Variants in GNAS observed in about 807,000 individuals in gnomAD.
The protein encoded by GNAS is GNAS complex locus, also known as protein ALEX.
GNAS carries 8 observed loss-of-function variants against 54.5 expected under a neutral mutation model. The observed-to-expected ratio is 0.15, with a 90% confidence interval of 0.09 to 0.26. The LOEUF (loss-of-function observed/expected upper bound fraction) is 0.26. Ranked by LOEUF, GNAS falls within the 10% of genes least tolerant of loss-of-function variation. The probability of loss-of-function intolerance (pLI) is 1.00; values close to 1 mark genes in which losing one functional copy is unlikely to be tolerated. For missense variants in GNAS, 170 were observed against 529.8 expected, an observed-to-expected ratio of 0.32 and a Z score of 6.67; for synonymous variants, 204 against 191.4, an observed-to-expected ratio of 1.07 and a Z score of -0.54.
At chr20:58,891,906 C>CT (rs2145919146) in intron 1 of GNAS, 41 bp downstream of exon 1, 1 of 995,754 alleles carries the variant, frequency 1.0e-6, no homozygotes, top group Non-Finnish European at 1.2e-6. Context: ...CCCGGGGGCC[C>CT]TCGAAGGGCG....
At chr20:58,860,725 T>C (rs759842648) in intron 1 of GNAS, among the ~76,000 whole-genome samples, 1 of 152,152 alleles carries the variant, frequency 6.6e-6, no homozygotes, top group Non-Finnish European at 1.5e-5. Context: ...GCAGTGGTAC[T>C]ATCTCGGCTC....
rs2087603845 is a variant in GNAS at position 58,873,573 on chromosome 20, T to C, written c.44-22039T>C. Among the ~76,000 whole-genome samples, 1 of 152,176 alleles carries C rather than the reference T, an allele frequency of 6.6e-6. No individual in the cohort carries two copies. Among genetic ancestry groups the C allele is most frequent in the Admixed American group, 6.5e-5 (1 of 15,280 alleles). ...TTTTTGGTTAACTTGAAGGTCGAAATAGCCTTACTCCTTTTTGTCTGTCTA... is the reference window on the plus strand; with the variant it reads ...TTTTTGGTTAACTTGAAGGTCGAAACAGCCTTACTCCTTTTTGTCTGTCTA... On this transcript the variant is annotated intron_variant, in intron 1 of 12. Coordinates refer to the GNAS transcript ENST00000306090. This position sits in a 1 kb window ranked among gnomAD's most constrained non-coding sequence, Gnocchi z 4.3.
chr20:58,903,539 C>T lies in GNAS; in HGVS notation c.266C>T (p.Ala89Val). The part of the protein sequence containing the change: ...AARSNSDGEK[A>V]TKVQDIKNNL... ...TTTCAATCCCACTGCAGTGAGAAGG[C>T]AACCAAAGTGCAGGACATCAAAAAC... Residue 89 changes from alanine (A) to valine (V), a missense_variant, in exon 4 of 13, where the codon GCA becomes GTA. Ala to Val is a moderately conservative substitution (Grantham distance 64, BLOSUM62 0). Transcript: ENST00000371085. 1 of 1,613,738 alleles carries T rather than the reference C, an allele frequency of 6.2e-7. No individual in the cohort carries two copies. The highest frequency in any genetic ancestry group is 8.5e-7 in the Non-Finnish European group (1 of 1,179,654).
chr20:58,843,895 T>A (rs1040757538), intron 1 of GNAS: 15 of 152,224 alleles, frequency 9.9e-5, no homozygotes, highest in African/African-American at 3.6e-4. Context: ...AAAACTCTTT[T>A]ATGTTCATCA....
intron 1 of GNAS, chr20:58,854,743 A>T (rs2086374934): frequency 6.5e-7 from 1 of 1,540,648 alleles, no homozygotes; most frequent in African/African-American, 1.4e-5. Context: ...GCTGCGCCAG[A>T]CGCAGGGGCT....
chr20:58,880,310 C>T (rs777338988), intron 1 of GNAS, among the ~76,000 whole-genome samples: 7 of 152,172 alleles, frequency 4.6e-5, no homozygotes, highest in Admixed American at 6.5e-5. Context: ...TATTTTCCCT[C>T]GGGGGTGCAG....
At chr20:58,879,936 C>T (rs2088113933) in intron 1 of GNAS, among the ~76,000 whole-genome samples, 1 of 152,086 alleles carries the variant, frequency 6.6e-6, no homozygotes, top group Non-Finnish European at 1.5e-5. Flanking sequence ...TTCGCTTTTA[C>T]AGAAAAAGAA....
intron 1 of GNAS, among the ~76,000 whole-genome samples, chr20:58,862,554 G>C (rs2086833938): frequency 6.6e-6 from 1 of 150,706 alleles, no homozygotes; most frequent in Non-Finnish European, 1.5e-5. Context: ...TTCTGTTGTT[G>C]CTGGGTTTTT....
chr20:58,904,132 C>G (rs2090880501), intron 5 of GNAS, among the ~76,000 whole-genome samples: 1 of 152,146 alleles, frequency 6.6e-6, no homozygotes, highest in Non-Finnish European at 1.5e-5. Context: ...AGGTCCTGAG[C>G]TATGGCAGGC....
rs1338122415 is a variant in GNAS, at chr20:58,863,796, T to C, written c.43+22910T>C. 1 of 152,672 alleles carries C rather than the reference T, an allele frequency of 6.5e-6. No individual in the cohort carries two copies. The highest frequency in any genetic ancestry group is 1.5e-5 in the Non-Finnish European group (1 of 68,048). 9.5% of individuals were successfully genotyped at this position (152,672 alleles called of 1,614,324 possible). A position where few individuals can be genotyped will look rare whatever the true frequency, so the allele number is the denominator to read the frequency against. ...TCTCCTCTTTTCCATTTGAACGATTTTGCCATTCATCAAACTGATTGCTAA... is the reference window on the plus strand; with the variant it reads ...TCTCCTCTTTTCCATTTGAACGATTCTGCCATTCATCAAACTGATTGCTAA... On this transcript the variant is annotated intron_variant, in intron 1 of 12. Coordinates refer to the GNAS transcript ENST00000306090. This position sits in a 1 kb window ranked among gnomAD's most constrained non-coding sequence, Gnocchi z 4.1.
At chr20:58,850,004 T>C (rs1448158382) in intron 1 of GNAS, among the ~76,000 whole-genome samples, 1 of 152,130 alleles carries the variant, frequency 6.6e-6, no homozygotes, top group African/African-American at 2.4e-5. Context: ...ATCTAATTTC[T>C]CCTAACTTTT....
In GNAS at chr20:58,841,608, A is replaced by G. The variant is rs970757599; in HGVS notation, c.43+722A>G. 1.9e-6 allele frequency: 2 copies of G among 1,036,182 alleles called. No homozygotes were observed. The highest frequency in any genetic ancestry group is 4.6e-5 in the South Asian group (1 of 21,720). 64.2% of individuals were successfully genotyped at this position (1,036,182 alleles called of 1,614,324 possible). ...AGAGACCGCCTCAAAGAGCGTGCGCACCTGCCCGCGCGCGCCGGAGCTGAC... is the reference window on the plus strand; with the variant it reads ...AGAGACCGCCTCAAAGAGCGTGCGCGCCTGCCCGCGCGCGCCGGAGCTGAC... On this transcript the variant is annotated intron_variant, in intron 1 of 12. Transcript: ENST00000306090. The surrounding 1 kb of genome is among the most constrained non-coding windows in gnomAD (Gnocchi z 5.0).
intron 3 of GNAS, among the ~76,000 whole-genome samples, chr20:58,901,840 C>A (rs1469579868): frequency 9.0e-6 from 1 of 111,140 alleles, no homozygotes; most frequent in Admixed American, 1.1e-4. Flanking sequence ...CGTCCGTCCC[C>A]GCCCCCCACC....
chr20:58,856,225 G>C lies in GNAS; in HGVS notation c.43+15339G>C, dbSNP rs2086499113. On this transcript the variant is annotated intron_variant, in intron 1 of 12. Transcript: ENST00000306090. This position sits in a 1 kb window ranked among gnomAD's most constrained non-coding sequence, Gnocchi z 4.2. Reference sequence around the variant, plus strand: ...AACCAGACACACAGGTATCTGGGGCGCCCGGGGCTGCACACCTCAGTTCGG... The same window carrying C: ...AACCAGACACACAGGTATCTGGGGCCCCCGGGGCTGCACACCTCAGTTCGG... 1.3e-5 allele frequency: 2 copies of C among 155,970 alleles called. No homozygotes were observed. The highest frequency in any genetic ancestry group is 3.9e-4 in the East Asian group (2 of 5,192). 9.7% of individuals were successfully genotyped at this position (155,970 alleles called of 1,614,324 possible). A position where few individuals can be genotyped will look rare whatever the true frequency, so the allele number is the denominator to read the frequency against.
intron 3 of GNAS, among the ~76,000 whole-genome samples, chr20:58,899,763 C>G (rs1257412496): frequency 6.6e-6 from 1 of 152,102 alleles, no homozygotes; most frequent in African/African-American, 2.4e-5. Context: ...GGTAACCACT[C>G]TAGCTCTGCT....
chr20:58,896,675 C>T (rs1466573293), intron 2 of GNAS, among the ~76,000 whole-genome samples: 1 of 151,848 alleles, frequency 6.6e-6, no homozygotes, highest in East Asian at 1.9e-4. Context: ...GTTGACCAGT[C>T]TGTTTTCACT....
intron 3 of GNAS, chr20:58,899,981 C>G (rs2090459369): frequency 1.4e-6 from 1 of 717,178 alleles, no homozygotes; most frequent in Non-Finnish European, 2.6e-6. Flanking sequence ...GCTACAGTTT[C>G]TCATCTTCCC....
At chr20:58,840,640 G>A, upstream of GNAS, 1 of 1,605,870 alleles carries the variant, frequency 6.2e-7, no homozygotes, top group South Asian at 1.1e-5. The surrounding 1 kb of genome is among the most constrained non-coding windows in gnomAD (Gnocchi z 6.0). Context: ...CAAGTCGCGC[G>A]CCGCCCAGCA....
Position 58,909,856 on chromosome 20 carries a change from G to A in GNAS, c.839+52G>A, listed in dbSNP as rs2146287005. 6.2e-7 allele frequency: 1 copy of A among 1,612,418 alleles called. No individual in the cohort carries two copies. Among genetic ancestry groups the A allele is most frequent in the Non-Finnish European group, 8.5e-7 (1 of 1,179,520 alleles). ...GCGCTTGCCCAGGAGGCCCTGGTCT[G>A]CACTGTTTATAGAGAAGAACCCCGT... On this transcript the variant is annotated intron_variant, in intron 10 of 12. Transcript: ENST00000371085. This position sits in a 1 kb window ranked among gnomAD's most constrained non-coding sequence, Gnocchi z 7.3.
Sources: allele counts gnomAD v4.1 joint callset (sites outside exome capture counted in the v4.1 genomes callset), GRCh38; gene constraint gnomAD v4.1.1; non-coding constraint Gnocchi (gnomAD v3.1); transcripts MANE v1.5; gene names NCBI Gene and HGNC (gene_info 2026-07-23, HGNC 2026-07-21).